MCC: variants seen among roughly 807,000 people sequenced by gnomAD.
The protein encoded by MCC is MCC regulator of Wnt signaling pathway.
A neutral mutation model predicts 116.2 loss-of-function variants in MCC; 90 were observed. The observed-to-expected ratio is 0.77, with a 90% confidence interval of 0.65 to 0.92. MCC has a LOEUF of 0.92. Among genes scored for constraint, MCC ranks in the 40% least tolerant of loss-of-function variants. MCC has a pLI of 0.00. For missense variants in MCC, 1,516 were observed against 1,312.2 expected (o/e 1.16, Z -2.40); for synonymous variants, 578 against 510.5 (o/e 1.13, Z -1.78).
At chr5:113,064,217 C>G in intron 13 of MCC, 50 bp from the exon 14 acceptor site, 1 of 1,527,890 alleles carries the variant, frequency 6.5e-7, no homozygotes, top group Non-Finnish European at 8.9e-7. Flanking sequence ...CTGGACAAGG[C>G]ACGCCTGGGA....
intron 1 of MCC, among the ~76,000 whole-genome samples, chr5:113,456,433 C>A (rs976815464): frequency 1.3e-5 from 2 of 152,032 alleles, no homozygotes; most frequent in African/African-American, 4.8e-5. Flanking sequence ...ATCTGAAAAT[C>A]CAAAATCCAA....
intron 3 of MCC, among the ~76,000 whole-genome samples, chr5:113,220,260 C>T (rs1005455211): frequency 2.0e-5 from 3 of 151,378 alleles, no homozygotes; most frequent in Non-Finnish European, 2.9e-5. Context: ...AGGGTTTCAC[C>T]GTGTTAGCCA....
At chr5:113,396,096 G>A (rs1034564909) in intron 1 of MCC, among the ~76,000 whole-genome samples, 1 of 152,182 alleles carries the variant, frequency 6.6e-6, no homozygotes, top group Admixed American at 6.5e-5. Context: ...GGGAGGCCGA[G>A]GCAGGAGGAT....
intron 1 of MCC, among the ~76,000 whole-genome samples, chr5:113,398,794 T>G (rs1188164138): frequency 6.6e-6 from 1 of 152,222 alleles, no homozygotes; most frequent in Non-Finnish European, 1.5e-5. Flanking sequence ...TATACCCATG[T>G]AAGCTTTTTT....
At chr5:113,274,485 G>C (rs536641535) in intron 3 of MCC, among the ~76,000 whole-genome samples, 1 of 152,134 alleles carries the variant, frequency 6.6e-6, no homozygotes, top group African/African-American at 2.4e-5. Flanking sequence ...ACAGCCTCCC[G>C]AGTAGCTGGG....
intron 1 of MCC, among the ~76,000 whole-genome samples, chr5:113,420,359 TA>T (rs1770294836): frequency 6.6e-6 from 1 of 152,152 alleles, no homozygotes; most frequent in African/African-American, 2.4e-5. Context: ...TTGCCACTTG[TA>T]AAAATTTCTG....
intron 1 of MCC, chr5:113,428,758 C>G (rs1405849206): frequency 6.6e-6 from 1 of 152,192 alleles, no homozygotes; most frequent in Non-Finnish European, 1.5e-5. Context: ...CCTGTCTACA[C>G]AGTTTGACTT....
At chr5:113,419,169 CT>C (rs764720031) in intron 1 of MCC, among the ~76,000 whole-genome samples, 3,131 of 140,648 alleles carry the variant, frequency 0.022, 74 homozygotes, top group African/African-American at 0.067. Flanking sequence ...TTTTTTCTTT[CT>C]TTTTTTTTTT....
intron 2 of MCC, among the ~76,000 whole-genome samples, chr5:113,371,463 A>G (rs540258092): frequency 6.6e-6 from 1 of 152,342 alleles, no homozygotes; most frequent in East Asian, 1.9e-4. Context: ...AAATCAAAGA[A>G]AACACTATAA....
intron 1 of MCC, among the ~76,000 whole-genome samples, chr5:113,413,764 T>C (rs952900085): frequency 6.6e-6 from 1 of 152,226 alleles, no homozygotes; most frequent in African/African-American, 2.4e-5. Context: ...TTTGTGTCTC[T>C]ATCTCCTTCA....
At chr5:113,352,958 T>C (rs1260018867) in intron 2 of MCC, among the ~76,000 whole-genome samples, 1 of 152,152 alleles carries the variant, frequency 6.6e-6, no homozygotes, top group Non-Finnish European at 1.5e-5. Flanking sequence ...CATCTGCACG[T>C]TAGGTCAATG....
At chr5:113,224,679 A>G (rs1021936132) in intron 3 of MCC, among the ~76,000 whole-genome samples, 11 of 152,216 alleles carry the variant, frequency 7.2e-5, no homozygotes, top group Non-Finnish European at 4.4e-5. Context: ...GCAGGAGTTA[A>G]TAGAGGAAAA....
At chr5:113,427,216 C>T (rs1770508221) in intron 1 of MCC, among the ~76,000 whole-genome samples, 2 of 152,074 alleles carry the variant, frequency 1.3e-5, no homozygotes, top group Admixed American at 1.3e-4. Flanking sequence ...AAGCCCTTAG[C>T]CCATTTAAAT....
At chr5:113,109,422 T>C (rs1450605271) in intron 6 of MCC, among the ~76,000 whole-genome samples, 1 of 152,134 alleles carries the variant, frequency 6.6e-6, no homozygotes, top group Non-Finnish European at 1.5e-5. Context: ...ATGACAAATA[T>C]TTCCACTAAT....
Position 113,064,074 on chromosome 5 carries a change from A to G in MCC, c.2123T>C (p.Met708Thr). 1 of 1,614,232 alleles carries G rather than the reference A, an allele frequency of 6.2e-7. No homozygotes were observed. The highest frequency in any genetic ancestry group is 8.5e-7 in the Non-Finnish European group (1 of 1,180,038). Residue 708 changes from methionine (M) to threonine (T), a missense_variant, in exon 14 of 19, where the codon ATG (methionine) becomes ACG (threonine). Transcript: ENST00000408903. ...TAENAAKALLMKLDGSCGGAF... is the reference protein window; with the variant it reads ...TAENAAKALLTKLDGSCGGAF... Reference sequence around the variant, plus strand: ...TCCCCCACAGCTGCCGTCCAGCTTCATGAGCAGGGCCTTGGCAGCGTTCTC... The same window carrying G: ...TCCCCCACAGCTGCCGTCCAGCTTCGTGAGCAGGGCCTTGGCAGCGTTCTC...
chr5:113,350,057 G>A (rs529547498), intron 2 of MCC, among the ~76,000 whole-genome samples: 2 of 151,998 alleles, frequency 1.3e-5, no homozygotes, highest in African/African-American at 4.8e-5. Context: ...CCCCCAAAAT[G>A]GAAAGATAAT....
chr5:113,483,874 C>G (rs980288660), intron 1 of MCC, among the ~76,000 whole-genome samples: 1 of 151,752 alleles, frequency 6.6e-6, no homozygotes. Context: ...AAAAAAAAAA[C>G]TAGATCGCGT....
At chr5:113,378,863 T>C (rs1178020994) in intron 2 of MCC, among the ~76,000 whole-genome samples, 1 of 152,260 alleles carries the variant, frequency 6.6e-6, no homozygotes, top group Non-Finnish European at 1.5e-5. Context: ...CTAACATATG[T>C]AAATATCTAA....
intron 3 of MCC, among the ~76,000 whole-genome samples, chr5:113,197,512 A>G (rs1336296602): frequency 1.3e-5 from 2 of 152,212 alleles, no homozygotes; most frequent in East Asian, 3.9e-4. Context: ...TATATCTCAA[A>G]GCTGTTGAAA....
Sources: allele counts gnomAD v4.1 joint callset (sites outside exome capture counted in the v4.1 genomes callset), GRCh38; gene constraint gnomAD v4.1.1; transcripts MANE v1.5; gene names NCBI Gene and HGNC (gene_info 2026-07-23, HGNC 2026-07-21).